DSC2: variants seen among roughly 807,000 people sequenced by gnomAD.
The protein encoded by DSC2 is desmocollin 2, also known as desmocollin-2.
In DSC2, 51 loss-of-function variants were observed where a neutral mutation model predicts 87.6. The observed-to-expected ratio is 0.58, with a 90% CI of 0.46 to 0.74. The LOEUF is 0.74. DSC2 is among the 30% of genes least tolerant of loss of function. The probability of loss-of-function intolerance (pLI) is 0.00; values close to 1 mark genes in which losing one functional copy is unlikely to be tolerated. For synonymous variants in DSC2, 383 were observed against 393.2 expected (o/e 0.97, Z 0.31); for missense variants, 1,066 against 1,089.5 (o/e 0.98, Z 0.30).
Position 31,093,578 on chromosome 18 carries a change from G to T in DSC2, c.135C>A (p.Ala45=), listed in dbSNP as rs749323567. 4 of 1,605,094 alleles carry T rather than the reference G, an allele frequency of 2.5e-6. No individual in the cohort carries two copies. The South Asian group carries it at 4.4e-5, about 18-fold the overall frequency. ...VTLHVPSKLD[A]EKLVGRVNLK... is the part of the protein sequence containing the mutation. Reference sequence around the variant, plus strand: ...CCTTACCTCTACCAACAAGTTTCTCGGCATCTAGTTTGGAGGGAACATGTA... The same window carrying T: ...CCTTACCTCTACCAACAAGTTTCTCTGCATCTAGTTTGGAGGGAACATGTA... Residue 45 remains alanine (A), a synonymous_variant, in exon 2 of 16, where the codon GCC becomes GCA. Coordinates refer to ENST00000280904, the MANE Select transcript of DSC2 (RefSeq NM_024422.6).
chr18:31,082,980 A>G lies in DSC2; in HGVS notation c.1023T>C (p.Cys341=). Residue 341 remains cysteine (C), a synonymous_variant, in exon 8 of 16, where the codon TGT becomes TGC. Transcript: ENST00000280904. ...CATTTACATCATCAATGTTAATGAT[A>G]CAAGTTGAAGTTGTCTGTAGACCAA... ...QYFGLQTTST[C]IINIDDVNDH... The G allele has an allele frequency of 6.2e-7, 1 of 1,613,614 alleles. No individual in the cohort carries two copies. The highest frequency in any genetic ancestry group is 8.5e-7 in the Non-Finnish European group (1 of 1,179,880).
chr18:31,101,146 C>G, intron 1 of DSC2: 1 of 977,232 alleles, frequency 1.0e-6, no homozygotes, highest in Non-Finnish European at 1.2e-6. Flanking sequence ...TCAGAAAGAC[C>G]CTTCCTTCCT....
At chr18:31,069,380 A>G (rs540198740) in intron 14 of DSC2, among the ~76,000 whole-genome samples, 86 of 152,248 alleles carry the variant, frequency 5.6e-4, no homozygotes, top group African/African-American at 2.0e-3. Context: ...GTACCTGGAG[A>G]TAAATTAGGA....
chr18:31,088,259 A>C (rs1821778823), intron 5 of DSC2, among the ~76,000 whole-genome samples: 2 of 152,130 alleles, frequency 1.3e-5, no homozygotes, highest in South Asian at 2.1e-4. Flanking sequence ...ATTTTCTACT[A>C]ATGAGGACTT....
chr18:31,093,469 T>C, intron 2 of DSC2, 90 bp downstream of exon 2: 3 of 978,280 alleles, frequency 3.1e-6, no homozygotes, highest in Non-Finnish European at 4.7e-6. Context: ...AGGGACAAGA[T>C]CTCGTTCCTT....
intron 1 of DSC2, among the ~76,000 whole-genome samples, chr18:31,098,306 G>A (rs1468575063): frequency 6.6e-6 from 1 of 151,878 alleles, no homozygotes; most frequent in Non-Finnish European, 1.5e-5. Context: ...TTCATCTCTG[G>A]AATTTTCTGT....
intron 1 of DSC2, among the ~76,000 whole-genome samples, chr18:31,097,566 T>TA (rs1987802303): frequency 1.3e-5 from 2 of 151,510 alleles, no homozygotes; most frequent in African/African-American, 4.9e-5. Flanking sequence ...AAGGAAAAAA[T>TA]AAAAAATTAA....
In DSC2 at chr18:31,082,148, C is replaced by T. The variant is rs551342377; in HGVS notation, c.1263+90G>A. 3.1e-5 allele frequency: 39 copies of T among 1,255,284 alleles called. No individual in the cohort carries two copies. In the East Asian group the frequency reaches 9.0e-4, roughly 29 times the overall value. The allele number at this position is 1,255,284 out of a possible 1,614,324, so 77.8% of individuals were successfully genotyped here. ...TTACTTATATACCTATTTTATTCTA[C>T]ATTTATCAGAATTCCTTTCTTTCCA... is the stretch of plus-strand genomic sequence containing the variant. On this transcript the variant is annotated intron_variant, in intron 9 of 15. Coordinates refer to ENST00000280904, the MANE Select transcript of DSC2 (RefSeq NM_024422.6).
rs1986504530 is a variant in DSC2, at chr18:31,061,675, C to T, written c.*6340G>A. On this transcript the variant is annotated 3_prime_UTR_variant, in exon 16 of 16. Coordinates refer to ENST00000280904, the MANE Select transcript of DSC2 (RefSeq NM_024422.6). ...TTAGCATTATGCTCTTTTGTTTTAC[C>T]TTAAGACTCTATATTGCATGTCTTA... 5 of 152,084 alleles carry T rather than the reference C, an allele frequency of 3.3e-5. No homozygotes were observed. In the South Asian group the frequency reaches 1.0e-3, roughly 32 times the overall value. The allele number at this position is 152,084 out of a possible 1,614,324, so 9.4% of individuals were successfully genotyped here.
chr18:31,099,273 C>T (rs1376458692), intron 1 of DSC2, among the ~76,000 whole-genome samples: 1 of 151,142 alleles, frequency 6.6e-6, no homozygotes, highest in Non-Finnish European at 1.5e-5. Flanking sequence ...CCAAGAGACA[C>T]CAGCATTTAA....
Position 31,069,215 on chromosome 18 carries a change from C to G in DSC2, c.2251-64G>C. On this transcript the variant is annotated intron_variant, in intron 14 of 15. Transcript: ENST00000280904. The stretch of plus-strand genomic sequence containing the variant: ...AGGAACACAAAATTATGAAAAAGAA[C>G]AACATCAAGCGGATAATGCCTTTTT... The G allele has an allele frequency of 1.2e-6, 2 of 1,600,538 alleles. 1 individual carries two copies. The highest frequency in any genetic ancestry group is 2.2e-5 in the South Asian group (2 of 90,244).
intron 1 of DSC2, among the ~76,000 whole-genome samples, chr18:31,096,614 A>C (rs1484960830): frequency 6.6e-6 from 1 of 152,198 alleles, no homozygotes; most frequent in African/African-American, 2.4e-5. Context: ...TGTGATCACC[A>C]TCATAGATGC....
intron 1 of DSC2, among the ~76,000 whole-genome samples, chr18:31,095,162 A>G (rs1987724609): frequency 6.6e-6 from 1 of 152,228 alleles, no homozygotes; most frequent in Non-Finnish European, 1.5e-5. Flanking sequence ...TGAAGTGAGG[A>G]AGTAAACCAG....
At position 31,086,755 on chromosome 18, in the gene DSC2, A is replaced by C. The variant is rs370595433; in HGVS notation, c.776-13T>G. The C allele has an allele frequency of 5.6e-6, 9 of 1,612,488 alleles. No individual in the cohort carries two copies. The African/African-American group carries it at 9.4e-5, about 17-fold the overall frequency. ...CCCACAGTAGTGCCTAGAGAAGAAA[A>C]GTCCTTTTTAATCTCCAAAACATTC... is the stretch of plus-strand genomic sequence containing the variant. On this transcript the variant is annotated splice_polypyrimidine_tract_variant and intron_variant, in intron 6 of 15. Coordinates refer to ENST00000280904, the MANE Select transcript of DSC2 (RefSeq NM_024422.6).
chr18:31,093,601 G>T lies in DSC2; in HGVS notation c.112C>A (p.His38Asn). ...ASDACKNVTL[H>N]VPSKLDAEKL... is the part of the protein sequence containing the mutation. ...TCGGCATCTAGTTTGGAGGGAACATGTAATGTCACATTTTTGCAGGCATCA... is the reference window on the plus strand; with the variant it reads ...TCGGCATCTAGTTTGGAGGGAACATTTAATGTCACATTTTTGCAGGCATCA... The change falls in exon 2 of 16, where the codon CAT becomes AAT. Residue 38 changes from histidine (H) to asparagine (N), a missense_variant. Coordinates refer to ENST00000280904, the MANE Select transcript of DSC2 (RefSeq NM_024422.6). The T allele has an allele frequency of 6.2e-7, 1 of 1,602,844 alleles. No homozygotes were observed. The highest frequency in any genetic ancestry group is 8.5e-7 in the Non-Finnish European group (1 of 1,172,782).
chr18:31,100,075 A>G (rs1987887415), intron 1 of DSC2, among the ~76,000 whole-genome samples: 1 of 152,156 alleles, frequency 6.6e-6, no homozygotes, highest in African/African-American at 2.4e-5. Flanking sequence ...CTTAGTATTT[A>G]CGCATTTCTC....
chr18:31,073,539 C>T (rs1415942095), intron 12 of DSC2, among the ~76,000 whole-genome samples: 1 of 152,150 alleles, frequency 6.6e-6, no homozygotes, highest in African/African-American at 2.4e-5. Context: ...CCTTTACGTT[C>T]CCTCATAACC....
chr18:31,089,183 A>AAAAC (rs59967255), intron 5 of DSC2, among the ~76,000 whole-genome samples: 1 of 150,812 alleles, frequency 6.6e-6, no homozygotes, highest in African/African-American at 2.4e-5. Flanking sequence ...AAAAAAAAAA[A>AAAAC]CTGTTCTTCA....
In DSC2 at chr18:31,063,683, T is replaced by C. The variant is rs796164865; in HGVS notation, c.*4332A>G. 46 of 152,314 alleles carry C rather than the reference T, an allele frequency of 3.0e-4. No individual in the cohort carries two copies. The highest frequency in any genetic ancestry group is 1.0e-3 in the African/African-American group (43 of 41,578). 9.4% of individuals were successfully genotyped at this position (152,314 alleles called of 1,614,324 possible). On this transcript the variant is annotated 3_prime_UTR_variant, in exon 16 of 16. Transcript: ENST00000280904. ...GGCTCGATCTGATATTTCAACTTTA[T>C]GATGGTGTCAAAGAAATATGCATTC...
Sources: gnomAD v4.1 joint callset for allele counts (sites outside exome capture counted in the v4.1 genomes callset) on GRCh38, gnomAD v4.1.1 for gene constraint, MANE v1.5 for transcripts, NCBI Gene and HGNC (gene_info 2026-07-23, HGNC 2026-07-21) for gene names.